The following MGST2 variants were observed in gnomAD, a reference collection of about 807,000 sequenced individuals.
MGST2 encodes the protein microsomal glutathione S-transferase 2.
MGST2 carries 9 observed loss-of-function variants against 16.6 expected under a neutral mutation model. The observed-to-expected ratio is 0.54, with a 90% confidence interval of 0.33 to 0.95. The LOEUF (loss-of-function observed/expected upper bound fraction) is 0.95, where lower values mean the gene tolerates loss of function less well. Among genes scored for constraint, MGST2 ranks in the 40% least tolerant of loss-of-function variants. The pLI is 0.03. For synonymous variants in MGST2, 79 were observed against 68.0 expected, an observed-to-expected ratio of 1.16 and a Z score of -0.79; for missense variants, 159 against 175.1, an observed-to-expected ratio of 0.91 and a Z score of 0.52.
intron 2 of MGST2, among the ~76,000 whole-genome samples, chr4:139,683,929 T>G (rs955019286): frequency 6.9e-6 from 1 of 145,612 alleles, no homozygotes; most frequent in Non-Finnish European, 1.5e-5. Flanking sequence ...GTTTTTTTTT[T>G]TTTTTTTTTT....
intron 5 of MGST2, among the ~76,000 whole-genome samples, chr4:139,739,770 A>G (rs1373144186): frequency 6.7e-6 from 1 of 149,618 alleles, no homozygotes; most frequent in Non-Finnish European, 1.5e-5. Context: ...GCCACTGGAT[A>G]GTCTTGTTAG....
the MGST2 span, among the ~76,000 whole-genome samples, chr4:139,753,971 A>G: frequency 6.6e-6 from 1 of 152,230 alleles, no homozygotes; most frequent in Non-Finnish European, 1.5e-5. Context: ...GGTAAGAGTT[A>G]ATGAAAAACC....
At chr4:139,693,812 A>G (rs575373312) in intron 2 of MGST2, among the ~76,000 whole-genome samples, 3 of 152,352 alleles carry the variant, frequency 2.0e-5, no homozygotes, top group African/African-American at 7.2e-5. Flanking sequence ...GCCACAGTCC[A>G]AAAAGGAAGA....
At chr4:139,699,578 A>G (rs1375502714) in intron 3 of MGST2, among the ~76,000 whole-genome samples, 1 of 152,164 alleles carries the variant, frequency 6.6e-6, no homozygotes, top group Admixed American at 6.5e-5. Flanking sequence ...GTTTTCCAAT[A>G]TATTTATGTT....
the MGST2 span, among the ~76,000 whole-genome samples, chr4:139,748,868 C>T: frequency 5.9e-5 from 9 of 152,156 alleles, no homozygotes; most frequent in South Asian, 2.1e-4. Flanking sequence ...AAACTCAACC[C>T]GGCTTTGTTT....
At chr4:139,713,225 C>T (rs1405248689) in intron 5 of MGST2, among the ~76,000 whole-genome samples, 1 of 152,086 alleles carries the variant, frequency 6.6e-6, no homozygotes, top group African/African-American at 2.4e-5. Context: ...TTCTGATACC[C>T]CCCAAACTCA....
At chr4:139,681,021 A>G (rs892408467) in intron 2 of MGST2, among the ~76,000 whole-genome samples, 1 of 150,322 alleles carries the variant, frequency 6.7e-6, no homozygotes, top group Non-Finnish European at 1.5e-5. Flanking sequence ...CTGTTTTAGA[A>G]TTTTTTTTTT....
intron 5 of MGST2, chr4:139,725,666 C>T: frequency 7.7e-7 from 1 of 1,306,078 alleles, no homozygotes; most frequent in Admixed American, 1.8e-5. Context: ...ACAAATACAG[C>T]CAGTAAGGCA....
downstream of MGST2, among the ~76,000 whole-genome samples, chr4:139,708,445 A>C (rs568148319): frequency 7.1e-6 from 1 of 140,240 alleles, no homozygotes; most frequent in South Asian, 2.1e-4. Context: ...TACCAGTACC[A>C]TGCTGTTTTG....
downstream of MGST2, among the ~76,000 whole-genome samples, chr4:139,704,417 C>G (rs1022354528): frequency 1.3e-5 from 2 of 152,034 alleles, no homozygotes; most frequent in South Asian, 4.1e-4. Context: ...AGCAGCCTGA[C>G]CCGTGTGCTG....
intron 5 of MGST2, among the ~76,000 whole-genome samples, chr4:139,729,014 G>A (rs534650554): frequency 6.6e-6 from 1 of 152,280 alleles, no homozygotes; most frequent in African/African-American, 2.4e-5. Flanking sequence ...ATTTGTCACT[G>A]CCTGAGAGAG....
intron 2 of MGST2, among the ~76,000 whole-genome samples, chr4:139,684,530 G>T (rs8192075): frequency 0.056 from 8,568 of 152,236 alleles, 316 homozygotes; most frequent in African/African-American, 0.11. Flanking sequence ...TGTTAAGAAA[G>T]AGGCATTAGA....
chr4:139,740,309 T>C (rs1402887968), exon 6 of MGST2: 1 of 152,104 alleles, frequency 6.6e-6, no homozygotes, highest in Non-Finnish European at 1.5e-5. Flanking sequence ...CAGACTGTCT[T>C]CTCCGTGGAA....
the MGST2 span, among the ~76,000 whole-genome samples, chr4:139,747,313 A>G: frequency 2.0e-5 from 3 of 152,150 alleles, no homozygotes; most frequent in African/African-American, 7.2e-5. Flanking sequence ...ACTTTCCCCC[A>G]CCTTTTAGAC....
At chr4:139,711,064 A>C (rs1050801483) in intron 5 of MGST2, among the ~76,000 whole-genome samples, 1 of 147,858 alleles carries the variant, frequency 6.8e-6, no homozygotes, top group South Asian at 2.2e-4. Flanking sequence ...CCCTGGTTGG[A>C]GTGCAGTGGC....
At chr4:139,714,718 GGA>G (rs1316639539) in intron 5 of MGST2, among the ~76,000 whole-genome samples, 1 of 152,078 alleles carries the variant, frequency 6.6e-6, no homozygotes, top group African/African-American at 2.4e-5. Flanking sequence ...GAAAGAGAAA[GGA>G]GAGAGAGAAA....
chr4:139,738,526 T>C (rs1195415970), intron 5 of MGST2, among the ~76,000 whole-genome samples: 4 of 152,112 alleles, frequency 2.6e-5, no homozygotes, highest in Non-Finnish European at 5.9e-5. Flanking sequence ...CTGGGCACAA[T>C]ACAGCGACAC....
At chr4:139,725,416 C>T (rs74476263) in intron 5 of MGST2, among the ~76,000 whole-genome samples, 1,608 of 152,204 alleles carry the variant, frequency 0.011, 25 homozygotes, top group African/African-American at 0.037. Flanking sequence ...CCAACAGGCA[C>T]CAGTATATCT....
the MGST2 span, among the ~76,000 whole-genome samples, chr4:139,752,479 G>A: frequency 6.6e-6 from 1 of 152,108 alleles, no homozygotes; most frequent in South Asian, 2.1e-4. Flanking sequence ...CCTATGAAAA[G>A]GGGGTGAGTG....
Sources: allele counts gnomAD v4.1 joint callset (sites outside exome capture counted in the v4.1 genomes callset), GRCh38; gene constraint gnomAD v4.1.1; transcripts MANE v1.5; gene names NCBI Gene and HGNC (gene_info 2026-07-23, HGNC 2026-07-21).